FRMPD4: variants seen among roughly 807,000 people sequenced by gnomAD.
The protein encoded by FRMPD4 is FERM and PDZ domain containing 4.
In FRMPD4, 22 loss-of-function variants were observed where a neutral mutation model predicts 94.1. The observed-to-expected ratio is 0.23, with a 90% confidence interval of 0.17 to 0.33. The LOEUF is 0.33. Among genes scored for constraint, FRMPD4 ranks in the 10% least tolerant of loss-of-function variants. The probability of loss-of-function intolerance (pLI) is 1.00; values close to 1 mark genes in which losing one functional copy is unlikely to be tolerated. For missense variants in FRMPD4, 1,111 were observed against 1,339.9 expected, an observed-to-expected ratio of 0.83 and a Z score of 2.67; for synonymous variants, 631 against 548.6, an observed-to-expected ratio of 1.15 and a Z score of -2.10.
At chrX:12,622,092 AAGAGGAGAAG>A (rs1158407875) in intron 4 of FRMPD4, among the ~76,000 whole-genome samples, 1 of 51,972 alleles carries the variant, frequency 1.9e-5, no homozygotes, top group Non-Finnish European at 3.3e-5. Flanking sequence ...AGAAGAAGAA[AAGAGGAGAAG>A]AGAGGAGAGG....
intron 1 of FRMPD4, among the ~76,000 whole-genome samples, chrX:12,217,729 C>T (rs992204786): frequency 8.9e-6 from 1 of 111,906 alleles, no homozygotes; most frequent in African/African-American, 3.2e-5. Context: ...TTTATTGGAA[C>T]GCAGTCATGC....
chrX:11,887,912 T>A (rs1363068860), intron 3 of FRMPD4, among the ~76,000 whole-genome samples: 3 of 111,954 alleles, frequency 2.7e-5, no homozygotes, highest in African/African-American at 9.7e-5. Flanking sequence ...ATAAATGGAG[T>A]TTTGAGAAGT....
rs753965234 is a variant in FRMPD4, at chrX:11,848,129, A to T, written c.-160-16957A>T. On this transcript the variant is annotated intron_variant, in intron 1 of 18. Transcript: ENST00000640291. ...CGTCCTTTGTTTTTTGGAATACTGT[A>T]CATTTTAGACAATATATTATAGCCA... Among the ~76,000 whole-genome samples the T allele has an allele frequency of 5.4e-5, 6 of 111,284 alleles. No homozygotes were observed. In the East Asian group the frequency reaches 1.7e-3, roughly 31 times the overall value.
Position 12,021,164 on chromosome X carries a change from G to T in FRMPD4, c.95+143146G>T, listed in dbSNP as rs946473804. Among the ~76,000 whole-genome samples, 7 of 111,826 alleles carry T rather than the reference G, an allele frequency of 6.3e-5. No homozygotes were observed. The Admixed American group carries it at 6.6e-4, about 11-fold the overall frequency. Reference sequence around the variant, plus strand: ...TTGCCCAGGAGTGGAGAGGTATTTTGCTGAGTCTGTTTTTTCTAGCCTCAA... The same window carrying T: ...TTGCCCAGGAGTGGAGAGGTATTTTTCTGAGTCTGTTTTTTCTAGCCTCAA... On this transcript the variant is annotated intron_variant, in intron 3 of 18. Coordinates refer to the FRMPD4 transcript ENST00000640291.
intron 4 of FRMPD4, among the ~76,000 whole-genome samples, chrX:12,664,348 A>G (rs1305939728): frequency 1.8e-5 from 2 of 112,066 alleles, no homozygotes; most frequent in Non-Finnish European, 3.8e-5. Flanking sequence ...TTTTTCATAA[A>G]TAGCTCTTAT....
chrX:12,095,366 A>C (rs2055189734), intron 3 of FRMPD4, among the ~76,000 whole-genome samples: 1 of 98,584 alleles, frequency 1.0e-5, no homozygotes, highest in African/African-American at 3.9e-5. Flanking sequence ...TGAGAGTAAG[A>C]CTCTCTGTCT....
intron 3 of FRMPD4, among the ~76,000 whole-genome samples, chrX:11,969,373 G>A (rs1288887417): frequency 1.8e-5 from 2 of 112,336 alleles, no homozygotes; most frequent in Admixed American, 9.4e-5. Context: ...AGTGTACTCC[G>A]AGAACATTGC....
chrX:11,869,528 T>A (rs1035462010), intron 2 of FRMPD4, among the ~76,000 whole-genome samples: 2 of 112,310 alleles, frequency 1.8e-5, no homozygotes, highest in East Asian at 5.5e-4. Context: ...TCATACCACA[T>A]TATATACATA....
At chrX:12,168,390 C>G (rs1322946651) in intron 1 of FRMPD4, among the ~76,000 whole-genome samples, 1 of 108,413 alleles carries the variant, frequency 9.2e-6, no homozygotes, top group Non-Finnish European at 1.9e-5. Flanking sequence ...AAACAACTCT[C>G]CAACTTGCAG....
At chrX:11,990,054 C>A (rs1371382030) in intron 3 of FRMPD4, among the ~76,000 whole-genome samples, 1 of 111,630 alleles carries the variant, frequency 9.0e-6, no homozygotes, top group African/African-American at 3.2e-5. Context: ...ATAGAAACTG[C>A]CAAAATGTCC....
intron 3 of FRMPD4, among the ~76,000 whole-genome samples, chrX:12,093,152 G>A (rs1432771376): frequency 2.7e-5 from 3 of 111,383 alleles, no homozygotes; most frequent in African/African-American, 9.8e-5. Flanking sequence ...GAACTGCCCA[G>A]ACAGTACAGT....
chrX:12,605,756 G>T (rs942677653), intron 2 of FRMPD4, among the ~76,000 whole-genome samples: 1 of 110,385 alleles, frequency 9.1e-6, no homozygotes, highest in East Asian at 2.8e-4. Flanking sequence ...TGCTCCCCCC[G>T]AAACGTTTCC....
chrX:12,356,910 C>T (rs1280495072), intron 1 of FRMPD4, among the ~76,000 whole-genome samples: 1 of 111,880 alleles, frequency 8.9e-6, no homozygotes. Flanking sequence ...TATTCTTCCC[C>T]GCTTCTCACT....
At chrX:12,243,586 C>T (rs892580177) in intron 1 of FRMPD4, among the ~76,000 whole-genome samples, 2 of 109,851 alleles carry the variant, frequency 1.8e-5, no homozygotes, top group African/African-American at 6.6e-5. Context: ...CTTTTATTCA[C>T]AAAACTGAAG....
intron 1 of FRMPD4, among the ~76,000 whole-genome samples, chrX:12,416,769 T>A (rs2056806567): frequency 8.9e-6 from 1 of 111,881 alleles, no homozygotes; most frequent in Non-Finnish European, 1.9e-5. Context: ...ATCTAGCATG[T>A]TAAAAATCAA....
In FRMPD4 at chrX:12,583,376, C is replaced by A; in HGVS notation, c.159-26345C>A. 4 of 918,445 alleles carry A rather than the reference C, an allele frequency of 4.4e-6. No individual in the cohort carries two copies. In the South Asian group the frequency reaches 8.3e-5, roughly 19 times the overall value. 75.7% of individuals were successfully genotyped at this position (918,445 alleles called of 1,213,427 possible). ...GAGAGCCCCAGGCCGGCTGAGACGG[C>A]CGGTCCAGGGAAGCTCCGCCAGTAC... On this transcript the variant is annotated intron_variant, in intron 2 of 16. Transcript: ENST00000675598.
chrX:12,040,855 G>T (rs1239627519), intron 3 of FRMPD4, among the ~76,000 whole-genome samples: 2 of 110,504 alleles, frequency 1.8e-5, no homozygotes, highest in African/African-American at 6.6e-5. Context: ...TTTGCTTTCT[G>T]CATCTCTTTT....
intron 1 of FRMPD4, among the ~76,000 whole-genome samples, chrX:12,253,453 A>G (rs902069300): frequency 2.7e-5 from 3 of 112,258 alleles, no homozygotes; most frequent in African/African-American, 6.5e-5. Flanking sequence ...CATGAGTTTT[A>G]TACTCTTGTG....
chrX:12,401,986 G>T (rs1267523101), intron 1 of FRMPD4, among the ~76,000 whole-genome samples: 1 of 111,141 alleles, frequency 9.0e-6, no homozygotes, highest in Non-Finnish European at 1.9e-5. Flanking sequence ...GGGGGATAGT[G>T]GGGTGGAGGC....
Sources: allele counts gnomAD v4.1 joint callset (sites outside exome capture counted in the v4.1 genomes callset), GRCh38; gene constraint gnomAD v4.1.1; transcripts MANE v1.5; gene names NCBI Gene and HGNC (gene_info 2026-07-23, HGNC 2026-07-21).